TASP1: variants seen among roughly 807,000 people sequenced by gnomAD.
The protein encoded by TASP1 is taspase 1, also known as threonine aspartase 1.
In TASP1, 16 loss-of-function variants were observed where a neutral mutation model predicts 56.6. The observed-to-expected ratio is 0.28, with a 90% CI of 0.19 to 0.43. TASP1 has a LOEUF of 0.43. TASP1 is among the 20% of genes least tolerant of loss of function. The probability of loss-of-function intolerance (pLI) is 1.00; values close to 1 mark genes in which losing one functional copy is unlikely to be tolerated. For synonymous variants in TASP1, 179 were observed against 184.2 expected (o/e 0.97, Z 0.23); for missense variants, 393 against 511.6 (o/e 0.77, Z 2.24).
At chr20:13,406,040 T>A (rs1283084121) in intron 13 of TASP1, among the ~76,000 whole-genome samples, 2 of 152,186 alleles carry the variant, frequency 1.3e-5, no homozygotes, top group Admixed American at 1.3e-4. Context: ...ATTTTTAGGG[T>A]TGCCTCTTCT....
At chr20:13,501,212 A>T (rs980474266) in intron 10 of TASP1, among the ~76,000 whole-genome samples, 2 of 152,058 alleles carry the variant, frequency 1.3e-5, no homozygotes, top group African/African-American at 4.8e-5. Flanking sequence ...AAATATAAAA[A>T]TACTAAAGGG....
the TASP1 span, among the ~76,000 whole-genome samples, chr20:13,311,013 G>C: frequency 6.6e-6 from 1 of 152,276 alleles, no homozygotes; most frequent in Non-Finnish European, 1.5e-5. Context: ...GGCCATCATG[G>C]TGAAACCCCA....
At chr20:13,237,584 C>A in the TASP1 span, among the ~76,000 whole-genome samples, 1 of 152,248 alleles carries the variant, frequency 6.6e-6, no homozygotes, top group African/African-American at 2.4e-5. Context: ...CCAAGGAGGG[C>A]AGCTAGGGTG....
the TASP1 span, among the ~76,000 whole-genome samples, chr20:13,245,831 A>G: frequency 6.6e-6 from 1 of 152,188 alleles, no homozygotes; most frequent in Non-Finnish European, 1.5e-5. Context: ...GGAACTCCAT[A>G]TCTGGAACTG....
chr20:13,543,275 T>C (rs915574973), intron 8 of TASP1, among the ~76,000 whole-genome samples: 3 of 152,072 alleles, frequency 2.0e-5, no homozygotes, highest in Non-Finnish European at 4.4e-5. Flanking sequence ...CTACATATCT[T>C]CAAGTGATGC....
the TASP1 span, chr20:13,299,509 C>A: frequency 6.6e-7 from 1 of 1,506,866 alleles, no homozygotes; most frequent in Non-Finnish European, 9.0e-7. The surrounding 1 kb of genome is among the most constrained non-coding windows in gnomAD (Gnocchi z 5.8). Context: ...GGAGCACACA[C>A]GTGCTGCACT....
intron 10 of TASP1, among the ~76,000 whole-genome samples, chr20:13,515,336 G>A (rs1010642601): frequency 1.3e-5 from 2 of 152,010 alleles, no homozygotes; most frequent in Non-Finnish European, 2.9e-5. Context: ...AAAACACAAT[G>A]AGGAAAGCAA....
chr20:13,147,142 C>A, the TASP1 span, among the ~76,000 whole-genome samples: 7 of 152,148 alleles, frequency 4.6e-5, no homozygotes, highest in African/African-American at 1.7e-4. Context: ...CCTGCTCCTG[C>A]GTGCATTCCA....
intron 13 of TASP1, among the ~76,000 whole-genome samples, chr20:13,404,572 C>T (rs1319471583): frequency 6.6e-6 from 1 of 152,134 alleles, no homozygotes; most frequent in African/African-American, 2.4e-5. Flanking sequence ...TGCCACTGCA[C>T]TCCAAGTGGG....
intron 4 of TASP1, chr20:13,614,822 T>C: frequency 2.1e-6 from 1 of 470,480 alleles, no homozygotes; most frequent in Non-Finnish European, 4.4e-6. Flanking sequence ...CTTTATGATG[T>C]CCAGGAAGAG....
chr20:13,172,696 T>G, the TASP1 span, among the ~76,000 whole-genome samples: 1 of 152,160 alleles, frequency 6.6e-6, no homozygotes, highest in African/African-American at 2.4e-5. Context: ...CAGAAAAGTC[T>G]GTCTAATAAA....
chr20:13,573,620 C>T (rs1484922035), intron 6 of TASP1, among the ~76,000 whole-genome samples: 1 of 152,074 alleles, frequency 6.6e-6, no homozygotes, highest in African/African-American at 2.4e-5. Flanking sequence ...TATTTCTAGT[C>T]ATCTAATTTC....
At chr20:13,361,280 C>T in the TASP1 span, among the ~76,000 whole-genome samples, 1 of 152,296 alleles carries the variant, frequency 6.6e-6, no homozygotes, top group African/African-American at 2.4e-5. Context: ...GAGAAGGCCA[C>T]CGCAGTCATT....
chr20:13,442,882 C>T (rs1198474767), intron 11 of TASP1, among the ~76,000 whole-genome samples: 1 of 152,092 alleles, frequency 6.6e-6, no homozygotes, highest in Non-Finnish European at 1.5e-5. Flanking sequence ...CGGAAAAACA[C>T]TAACACAGAC....
At chr20:13,283,299 A>T in the TASP1 span, among the ~76,000 whole-genome samples, 1 of 152,180 alleles carries the variant, frequency 6.6e-6, no homozygotes, top group Non-Finnish European at 1.5e-5. Context: ...TCACCCAGGA[A>T]GGAGAGGTTC....
the TASP1 span, chr20:13,164,810 C>G: frequency 6.2e-7 from 1 of 1,613,876 alleles, no homozygotes; most frequent in South Asian, 1.1e-5. Flanking sequence ...ATTCCCGGCA[C>G]AAGAAGTCAG....
At chr20:13,575,657 G>A (rs1476633957) in intron 6 of TASP1, among the ~76,000 whole-genome samples, 1 of 152,058 alleles carries the variant, frequency 6.6e-6, no homozygotes, top group African/African-American at 2.4e-5. Flanking sequence ...TAATACATTA[G>A]GAAAAGAAAG....
the TASP1 span, among the ~76,000 whole-genome samples, chr20:13,305,188 C>A: frequency 1.6e-5 from 2 of 127,404 alleles, no homozygotes; most frequent in African/African-American, 2.9e-5. Context: ...ATTTTAATAC[C>A]GTTGAGTTGT....
At chr20:13,501,950 G>C (rs1166205545) in intron 10 of TASP1, among the ~76,000 whole-genome samples, 1 of 151,914 alleles carries the variant, frequency 6.6e-6, no homozygotes, top group Non-Finnish European at 1.5e-5. Flanking sequence ...TATGATAAAA[G>C]TGTCAATTAT....
Sources: allele counts gnomAD v4.1 joint callset (sites outside exome capture counted in the v4.1 genomes callset), GRCh38; gene constraint gnomAD v4.1.1; non-coding constraint Gnocchi (gnomAD v3.1); transcripts MANE v1.5; gene names NCBI Gene and HGNC (gene_info 2026-07-23, HGNC 2026-07-21).